The following PPM1A variants were observed in gnomAD, a reference collection of about 807,000 sequenced individuals.
PPM1A encodes the protein protein phosphatase, Mg2+/Mn2+ dependent 1A.
In PPM1A, 7 loss-of-function variants were observed where a neutral mutation model predicts 35.0. The ratio of observed to expected loss-of-function variants is 0.20; its 90% CI spans 0.11 to 0.38. The LOEUF is 0.38. Ranked by LOEUF, PPM1A falls within the 10% of genes least tolerant of loss-of-function variation. The pLI is 1.00. For missense variants in PPM1A, 239 were observed against 467.8 expected, an observed-to-expected ratio of 0.51 and a Z score of 4.51; for synonymous variants, 153 against 167.3, an observed-to-expected ratio of 0.91 and a Z score of 0.66.
chr14:60,290,487 C>A (rs953548064), intron 4 of PPM1A, among the ~76,000 whole-genome samples: 20 of 152,034 alleles, frequency 1.3e-4, no homozygotes, highest in Non-Finnish European at 2.6e-4. Context: ...AAGCTTACAC[C>A]TTTACATAAT....
At position 60,264,048 on chromosome 14, in the gene PPM1A, T is replaced by C. The variant is rs141518089; in HGVS notation, c.-21+14371T>C. On this transcript the variant is annotated intron_variant, in intron 1 of 5. Coordinates refer to ENST00000395076, the MANE Select transcript of PPM1A (RefSeq NM_021003.5). ...GTATTTTTACCAGTTTCTTTACTTA[T>C]TGTTCCTTGCATCTTCTCTGAGTCC... 4.8e-3 allele frequency among the ~76,000 whole-genome samples: 726 copies of C among 152,266 alleles called. 4 individuals are homozygous for C. Among genetic ancestry groups the C allele is most frequent in the Non-Finnish European group, 6.3e-3 (427 of 68,006 alleles).
chr14:60,281,455 C>T (rs1409625588), intron 1 of PPM1A, among the ~76,000 whole-genome samples: 1 of 152,198 alleles, frequency 6.6e-6, no homozygotes, highest in Admixed American at 6.5e-5. Context: ...CCAGTTTCCT[C>T]TCTGAGCTGA....
At chr14:60,286,187 G>C (rs1254384217) in intron 3 of PPM1A, 1 of 985,396 alleles carries the variant, frequency 1.0e-6, no homozygotes, top group Admixed American at 6.1e-5. Context: ...GAAAATCACA[G>C]CCTCATCATT....
At position 60,292,322 on chromosome 14, in the gene PPM1A, C is replaced by A; in HGVS notation, c.1120-131C>A. The A allele has an allele frequency of 1.6e-6, 1 of 642,160 alleles. No individual in the cohort carries two copies. Among genetic ancestry groups the A allele is most frequent in the Non-Finnish European group, 2.7e-6 (1 of 369,092 alleles). The allele number at this position is 642,160 out of a possible 1,614,324, so 39.8% of individuals were successfully genotyped here. ...ATATGTACACATATATACTTATATA[C>A]TTTAAAAAACATTTATATTCTAAAA... On this transcript the variant is annotated intron_variant, in intron 5 of 5. Transcript: ENST00000395076. The surrounding 1 kb of genome is among the most constrained non-coding windows in gnomAD (Gnocchi z 4.2).
intron 1 of PPM1A, among the ~76,000 whole-genome samples, chr14:60,267,541 A>C (rs1337898992): frequency 6.6e-6 from 1 of 152,002 alleles, no homozygotes; most frequent in Non-Finnish European, 1.5e-5. Context: ...GTCTTTGTCA[A>C]ATTTTATAGA....
chr14:60,259,489 GT>G (rs1218121637), intron 1 of PPM1A, among the ~76,000 whole-genome samples: 4 of 152,044 alleles, frequency 2.6e-5, no homozygotes, highest in African/African-American at 7.2e-5. Context: ...TTCTGGGTTA[GT>G]TTGAGTCCAA....
At position 60,296,839 on chromosome 14, in the gene PPM1A, T is replaced by G. The variant is rs1224634491; in HGVS notation, c.*4357T>G. On this transcript the variant is annotated 3_prime_UTR_variant, in exon 6 of 6. Coordinates refer to ENST00000395076, the MANE Select transcript of PPM1A (RefSeq NM_021003.5). The surrounding 1 kb of genome is among the most constrained non-coding windows in gnomAD (Gnocchi z 4.4). ...GAGAGGCATTGGTTCCAATTCATTG[T>G]CAAATGAACGTTTTCTAATTTTGTT... 1.6e-5 allele frequency: 5 copies of G among 315,152 alleles called. No homozygotes were observed. The highest frequency in any genetic ancestry group is 8.4e-5 in the East Asian group (2 of 23,734). 19.5% of individuals were successfully genotyped at this position (315,152 alleles called of 1,614,324 possible). A position where few individuals can be genotyped will look rare whatever the true frequency, so the allele number is the denominator to read the frequency against.
At chr14:60,258,815 CAT>C (rs1166937825) in intron 1 of PPM1A, among the ~76,000 whole-genome samples, 4 of 152,036 alleles carry the variant, frequency 2.6e-5, no homozygotes, top group South Asian at 4.1e-4. Context: ...CGTCAAGTGT[CAT>C]GTGTTAAATA....
rs1362036080 is a variant in PPM1A at position 60,298,045 on chromosome 14, A to ACAT, written c.*5564_*5566dup. The ACAT allele has an allele frequency of 6.6e-6, 1 of 151,628 alleles. No homozygotes were observed. Among genetic ancestry groups the ACAT allele is most frequent in the African/African-American group, 2.4e-5 (1 of 41,372 alleles). 9.4% of individuals were successfully genotyped at this position (151,628 alleles called of 1,614,324 possible). A position where few individuals can be genotyped will look rare whatever the true frequency, so the allele number is the denominator to read the frequency against. ...AGATAGGGGACCTGGCTAGAATCTG[A>ACAT]CATTAAAATATACTTTTTAAAAAAT... On this transcript the variant is annotated 3_prime_UTR_variant, in exon 6 of 6. Coordinates refer to ENST00000395076, the MANE Select transcript of PPM1A (RefSeq NM_021003.5).
intron 1 of PPM1A, among the ~76,000 whole-genome samples, chr14:60,271,333 A>T (rs1236575336): frequency 6.6e-6 from 1 of 152,190 alleles, no homozygotes; most frequent in Admixed American, 6.5e-5. Context: ...ACATCTGCAA[A>T]GACCTTTTTT....
chr14:60,248,093 G>A (rs1189405596), upstream of PPM1A, among the ~76,000 whole-genome samples: 2 of 152,196 alleles, frequency 1.3e-5, no homozygotes, highest in Non-Finnish European at 2.9e-5. Context: ...ATGGGAACCC[G>A]TGCTGGTGAT....
At chr14:60,276,635 G>A (rs1006313032) in intron 1 of PPM1A, among the ~76,000 whole-genome samples, 9 of 152,110 alleles carry the variant, frequency 5.9e-5, no homozygotes, top group Non-Finnish European at 1.3e-4. Flanking sequence ...GTGTCCCTAC[G>A]TAAATAGAAA....
intron 1 of PPM1A, among the ~76,000 whole-genome samples, chr14:60,252,688 C>G (rs1181903599): frequency 6.6e-6 from 1 of 152,054 alleles, no homozygotes; most frequent in East Asian, 1.9e-4. Flanking sequence ...ATTAACTGAC[C>G]TGGGATTATT....
At chr14:60,286,183 C>A in intron 3 of PPM1A, 1 of 985,412 alleles carries the variant, frequency 1.0e-6, no homozygotes, top group Non-Finnish European at 1.2e-6. Context: ...ACTTGAAAAT[C>A]ACAGCCTCAT....
chr14:60,271,512 A>G lies in PPM1A; in HGVS notation c.-20-11172A>G, dbSNP rs551516900. Among the ~76,000 whole-genome samples, 5 of 152,360 alleles carry G rather than the reference A, an allele frequency of 3.3e-5. No homozygotes were observed. The East Asian group carries it at 9.6e-4, about 29-fold the overall frequency. On this transcript the variant is annotated intron_variant, in intron 1 of 5. Transcript: ENST00000395076. ...TGTGCTGTTTGTTAGAATCACAGAT[A>G]CTGTCCTCTTTACCGAATGATGCAA...
chr14:60,278,605 T>A (rs988848275), intron 1 of PPM1A, among the ~76,000 whole-genome samples: 3 of 152,040 alleles, frequency 2.0e-5, no homozygotes, highest in Non-Finnish European at 2.9e-5. Context: ...AGATTGAACT[T>A]CTTCTGTGTG....
chr14:60,284,599 G>A (rs1296668095), intron 2 of PPM1A, among the ~76,000 whole-genome samples: 5 of 147,216 alleles, frequency 3.4e-5, no homozygotes, highest in African/African-American at 1.3e-4. Context: ...CCGAGATCGC[G>A]CCACTGCACT....
chr14:60,258,551 A>G (rs1883395468), intron 1 of PPM1A, among the ~76,000 whole-genome samples: 2 of 152,144 alleles, frequency 1.3e-5, no homozygotes, highest in South Asian at 2.1e-4. Flanking sequence ...TCATTGATGA[A>G]CAGTAATCTG....
rs10624732 is a variant in PPM1A, at chr14:60,282,275, T to TAAG, written c.-20-408_-20-407insAGA. On this transcript the variant is annotated intron_variant, in intron 1 of 5. Transcript: ENST00000395076. This position sits in a 1 kb window ranked among gnomAD's most constrained non-coding sequence, Gnocchi z 5.1. ...AAAATTCCTGAATGTTCAACCAAGA[T>TAAG]ATATTTGAGTTAGTAGATTTTTTGG... Among the ~76,000 whole-genome samples the TAAG allele has an allele frequency of 0.48, 73,099 of 151,858 alleles. 21,747 individuals are homozygous for TAAG. The highest frequency in any genetic ancestry group is 0.85 in the African/African-American group (35,263 of 41,356).
Sources: gnomAD v4.1 joint callset for allele counts (sites outside exome capture counted in the v4.1 genomes callset) on GRCh38, gnomAD v4.1.1 for gene constraint, Gnocchi (gnomAD v3.1) non-coding constraint, MANE v1.5 for transcripts, NCBI Gene and HGNC (gene_info 2026-07-23, HGNC 2026-07-21) for gene names.